MCF2: variants seen among roughly 807,000 people sequenced by gnomAD.
MCF2 encodes the protein MCF.2 cell line derived transforming sequence.
Under a neutral mutation model 82.5 loss-of-function variants are expected in MCF2, and 44 were observed. The ratio of observed to expected loss-of-function variants is 0.53; its 90% CI spans 0.42 to 0.69. MCF2 has a LOEUF of 0.69. Among genes scored for constraint, MCF2 ranks in the 30% least tolerant of loss-of-function variants. MCF2 has a pLI of 0.00. For missense variants in MCF2, 623 were observed against 663.1 expected, an observed-to-expected ratio of 0.94 and a Z score of 0.66; for synonymous variants, 217 against 224.9, an observed-to-expected ratio of 0.96 and a Z score of 0.32.
At chrX:139,665,237 C>T (rs916353459) in intron 1 of MCF2, among the ~76,000 whole-genome samples, 1 of 111,261 alleles carries the variant, frequency 9.0e-6, no homozygotes, top group African/African-American at 3.3e-5. Flanking sequence ...AACCCAACTC[C>T]ACACTAGGAT....
upstream of MCF2, chrX:139,645,495 C>A (rs181146805): frequency 1.2e-4 from 74 of 599,505 alleles, no homozygotes; most frequent in African/African-American, 1.5e-3. Context: ...CCAAAGTAAT[C>A]TATACCTCCC....
intron 1 of MCF2, among the ~76,000 whole-genome samples, chrX:139,685,728 C>G (rs1257022620): frequency 9.0e-6 from 1 of 111,303 alleles, no homozygotes; most frequent in Admixed American, 9.6e-5. Flanking sequence ...ACCCTAAATA[C>G]TCCTCCAAAA....
At chrX:139,687,813 G>C (rs1429567666) in intron 1 of MCF2, among the ~76,000 whole-genome samples, 1 of 111,725 alleles carries the variant, frequency 9.0e-6, no homozygotes, top group Non-Finnish European at 1.9e-5. Flanking sequence ...ACACACAAAG[G>C]AACTAGAAAG....
intron 1 of MCF2, among the ~76,000 whole-genome samples, chrX:139,664,569 C>T (rs1413166493): frequency 1.8e-5 from 2 of 111,974 alleles, no homozygotes; most frequent in East Asian, 2.8e-4. Context: ...TCCAGGGCAA[C>T]AGGTTTCCCT....
chrX:139,707,871 G>T (rs1935620754), intron 1 of MCF2, among the ~76,000 whole-genome samples: 1 of 112,018 alleles, frequency 8.9e-6, no homozygotes, highest in African/African-American at 3.2e-5. Context: ...AACTGTCAGA[G>T]AAACCCAAAG....
intron 20 of MCF2, among the ~76,000 whole-genome samples, chrX:139,589,405 A>G (rs1929289906): frequency 1.8e-5 from 2 of 111,906 alleles, no homozygotes; most frequent in South Asian, 7.5e-4. Flanking sequence ...GTTGGACCCT[A>G]TACAACTGGC....
chrX:139,617,968 A>C (rs1276060049), intron 7 of MCF2, among the ~76,000 whole-genome samples: 1 of 111,067 alleles, frequency 9.0e-6, no homozygotes, highest in African/African-American at 3.3e-5. Flanking sequence ...TAGAAACTGA[A>C]AATTGCACAT....
exon 14 of MCF2, chrX:139,604,892 T>C: frequency 8.4e-7 from 1 of 1,187,960 alleles, no homozygotes; most frequent in Non-Finnish European, 1.1e-6. Flanking sequence ...CATATATTTC[T>C]GCCATGTTTC....
chrX:139,587,689 G>A (rs776402142), intron 22 of MCF2, 27 bp downstream of exon 26: 3 of 985,561 alleles, frequency 3.0e-6, no homozygotes, highest in Admixed American at 2.3e-5. Context: ...TTGCAGGAGT[G>A]GTATTTCTTA....
chrX:139,697,389 C>T (rs150490134), intron 1 of MCF2, among the ~76,000 whole-genome samples: 117 of 111,703 alleles, frequency 1.0e-3, no homozygotes, highest in Non-Finnish European at 1.2e-3. Context: ...AAGAAATATC[C>T]ACCCACTAGA....
intron 1 of MCF2, among the ~76,000 whole-genome samples, chrX:139,706,982 A>C (rs1415646571): frequency 9.0e-6 from 1 of 110,785 alleles, no homozygotes; most frequent in Non-Finnish European, 1.9e-5. Flanking sequence ...AAGTACATCA[A>C]TGAAGAGCAA....
chrX:139,707,856 C>G (rs1935620465), intron 1 of MCF2, among the ~76,000 whole-genome samples: 1 of 111,770 alleles, frequency 8.9e-6, no homozygotes, highest in African/African-American at 3.3e-5. Context: ...GAACAGTAGA[C>G]AAAGAACTGT....
chrX:139,671,380 C>A (rs1185973570), intron 1 of MCF2, among the ~76,000 whole-genome samples: 1 of 111,287 alleles, frequency 9.0e-6, no homozygotes, highest in Non-Finnish European at 1.9e-5. Flanking sequence ...AGTCATGAAG[C>A]CCTTGCCCAT....
chrX:139,614,116 A>C (rs761774655), intron 10 of MCF2, among the ~76,000 whole-genome samples: 185 of 109,886 alleles, frequency 1.7e-3, no homozygotes, highest in Non-Finnish European at 2.3e-3. Context: ...AGACCAAATT[A>C]CTCTCCTCTA....
chrX:139,665,411 G>C (rs1603303663), intron 1 of MCF2, among the ~76,000 whole-genome samples: 1 of 111,761 alleles, frequency 8.9e-6, no homozygotes, highest in Non-Finnish European at 1.9e-5. Flanking sequence ...GTGGGCATCA[G>C]CTGAGTTCAG....
chrX:139,663,215 T>G lies in MCF2; in HGVS notation c.-44-11427A>C, dbSNP rs1003948400. Among the ~76,000 whole-genome samples, 4 of 112,396 alleles carry G rather than the reference T, an allele frequency of 3.6e-5. No homozygotes were observed. The Admixed American group carries it at 3.8e-4, about 11-fold the overall frequency. On this transcript the variant is annotated intron_variant, in intron 1 of 27. Coordinates refer to the MCF2 transcript ENST00000414978. ...TGTATTTTTAATTTTTTGAGAAATC[T>G]CCATGGTATTTTCCACAGTGACTGT...
chrX:139,646,864 G>A, upstream of MCF2: 1 of 1,186,983 alleles, frequency 8.4e-7, no homozygotes, highest in Non-Finnish European at 1.1e-6. Flanking sequence ...ACAGTTTTCT[G>A]GAAACGTAAT....
At chrX:139,618,055 T>C (rs12557531) in intron 7 of MCF2, among the ~76,000 whole-genome samples, 230 of 110,562 alleles carry the variant, frequency 2.1e-3, no homozygotes, top group Non-Finnish European at 3.5e-3. Flanking sequence ...TTAAATGAGG[T>C]ATACACACCA....
At chrX:139,646,988 T>C, upstream of MCF2, 1 of 557,278 alleles carries the variant, frequency 1.8e-6, no homozygotes, top group Non-Finnish European at 2.8e-6. Context: ...GAATACTGTT[T>C]TGCAGCAACA....
Sources: gnomAD v4.1 joint callset for allele counts (sites outside exome capture counted in the v4.1 genomes callset) on GRCh38, gnomAD v4.1.1 for gene constraint, MANE v1.5 for transcripts, NCBI Gene and HGNC (gene_info 2026-07-23, HGNC 2026-07-21) for gene names.